Variants in SNX13 observed in about 807,000 individuals in gnomAD.
SNX13 encodes the protein sorting nexin-13.
In SNX13, 45 loss-of-function variants were observed where a neutral mutation model predicts 133.6. The ratio of observed to expected loss-of-function variants is 0.34; its 90% CI spans 0.27 to 0.43. The LOEUF is 0.43. SNX13 is among the 20% of genes least tolerant of loss of function. SNX13 has a pLI of 1.00. For synonymous variants in SNX13, 414 were observed against 373.9 expected (o/e 1.11, Z -1.24); for missense variants, 1,032 against 1,145.1 (o/e 0.90, Z 1.43).
At chr7:17,931,396 T>C (rs528306429) in intron 1 of SNX13, among the ~76,000 whole-genome samples, 1 of 152,346 alleles carries the variant, frequency 6.6e-6, no homozygotes, top group South Asian at 2.1e-4. Flanking sequence ...AAATTTTATT[T>C]CACATTTAAC....
chr7:17,863,935 G>C (rs1362557896), intron 9 of SNX13, among the ~76,000 whole-genome samples: 1 of 152,156 alleles, frequency 6.6e-6, no homozygotes, highest in Admixed American at 6.5e-5. Context: ...GTGTATTTAG[G>C]AGTCTCCAAG....
intron 9 of SNX13, among the ~76,000 whole-genome samples, chr7:17,859,481 A>G (rs1003718426): frequency 1.3e-5 from 2 of 152,190 alleles, no homozygotes; most frequent in Admixed American, 1.3e-4. Context: ...AGGCAAAATT[A>G]TAATACAACT....
intron 1 of SNX13, among the ~76,000 whole-genome samples, chr7:17,936,530 GATA>G (rs1802048019): frequency 6.6e-6 from 1 of 152,184 alleles, no homozygotes; most frequent in Admixed American, 6.5e-5. Flanking sequence ...ACAACACGTT[GATA>G]ACTGGTTTCC....
At chr7:17,823,710 C>T (rs918079680) in intron 17 of SNX13, among the ~76,000 whole-genome samples, 1 of 152,138 alleles carries the variant, frequency 6.6e-6, no homozygotes, top group Non-Finnish European at 1.5e-5. Context: ...GCAAATTAAA[C>T]AGCACAACAC....
At chr7:17,797,047 A>T in intron 24 of SNX13, 108 bp from the exon 25 acceptor site, 1 of 853,274 alleles carries the variant, frequency 1.2e-6, no homozygotes, top group Non-Finnish European at 1.8e-6. Flanking sequence ...GAACAGAAAG[A>T]AAAGTTTCTG....
rs1233066444 is a variant in SNX13, at chr7:17,875,506, A to G, written c.638T>C (p.Val213Ala). The change falls in exon 7 of 26, where the codon GTG becomes GCG. Residue 213 changes from valine to alanine, a missense_variant. Val to Ala is a moderately conservative substitution (Grantham distance 64). Transcript: ENST00000428135. Reference protein sequence around the residue: ...EMEKEVCRDLVCTSPKDEEGF... With the variant: ...EMEKEVCRDLACTSPKDEEGF... ...TTCTTCATCTTTGGGGGAAGTGCAC[A>G]CTAGATCACGGCAAACCTCCTTCTC... 1.9e-6 allele frequency: 3 copies of G among 1,610,272 alleles called. No individual in the cohort carries two copies. In the Admixed American group the frequency reaches 5.0e-5, roughly 27 times the overall value.
chr7:17,801,769 C>A (rs1380380399), intron 21 of SNX13, 110 bp from the exon 22 acceptor site: 3 of 753,028 alleles, frequency 4.0e-6, no homozygotes, highest in Non-Finnish European at 6.3e-6. Context: ...ACTTTTGGTA[C>A]AATATATAAG....
In SNX13 at chr7:17,799,564, A is replaced by G. The variant is rs541179767; in HGVS notation, c.2299-410T>C. Among the ~76,000 whole-genome samples, 3 of 151,908 alleles carry G rather than the reference A, an allele frequency of 2.0e-5. No individual in the cohort carries two copies. In the South Asian group the frequency reaches 6.2e-4, roughly 31 times the overall value. On this transcript the variant is annotated intron_variant, in intron 22 of 25. Transcript: ENST00000428135. ...TCAACATCTCCATATATTTAATAGA[A>G]CAAAACATGAATGATACAGAATAAT...
At chr7:17,804,472 A>C (rs1485693566) in intron 20 of SNX13, among the ~76,000 whole-genome samples, 2 of 152,134 alleles carry the variant, frequency 1.3e-5, no homozygotes, top group Non-Finnish European at 2.9e-5. Context: ...TGCAAATCAG[A>C]CATGTAAATC....
In SNX13 at chr7:17,844,726, T is replaced by A. The variant is rs184059518; in HGVS notation, c.1165+869A>T. On this transcript the variant is annotated intron_variant, in intron 12 of 25. Transcript: ENST00000428135. ...ACTAAGGTGGCATTTATTCCTGGAA[T>A]CCAAAGATGGTTGAACATACAAAAA... Among the ~76,000 whole-genome samples, 5 of 149,032 alleles carry A rather than the reference T, an allele frequency of 3.4e-5. No homozygotes were observed. The East Asian group carries it at 8.0e-4, about 24-fold the overall frequency.
In SNX13 at chr7:17,912,844, C is replaced by T. The variant is rs371546996; in HGVS notation, c.13-15398G>A. On this transcript the variant is annotated intron_variant, in intron 1 of 25. Transcript: ENST00000428135. ...CTTGCCCTGGAGTGGGGAAAGGACC[C>T]TCACAGTCAGAATTGAGTGGCGAGT... Among the ~76,000 whole-genome samples the T allele has an allele frequency of 4.6e-5, 7 of 152,154 alleles. No homozygotes were observed. The East Asian group carries it at 7.7e-4, about 17-fold the overall frequency.
At chr7:17,886,485 T>C (rs1391427975) in intron 5 of SNX13, among the ~76,000 whole-genome samples, 1 of 152,018 alleles carries the variant, frequency 6.6e-6, no homozygotes, top group Admixed American at 6.6e-5. Context: ...GAAGAATTGC[T>C]TGAACCTGGG....
chr7:17,808,694 G>A (rs1785616278), intron 20 of SNX13, among the ~76,000 whole-genome samples: 1 of 152,118 alleles, frequency 6.6e-6, no homozygotes, highest in Admixed American at 6.5e-5. Context: ...AATGTTAAGG[G>A]CAGCCAGAGA....
At chr7:17,849,189 C>T (rs919197032) in intron 11 of SNX13, among the ~76,000 whole-genome samples, 4 of 152,194 alleles carry the variant, frequency 2.6e-5, no homozygotes, top group African/African-American at 7.2e-5. Context: ...ATTCTCTTTT[C>T]TAAACTTCCT....
intron 1 of SNX13, among the ~76,000 whole-genome samples, chr7:17,927,423 T>G (rs141121713): frequency 7.2e-5 from 11 of 151,970 alleles, no homozygotes; most frequent in African/African-American, 2.4e-4. Context: ...TTTAATTTTT[T>G]GCAGAGACAA....
At chr7:17,918,369 G>T (rs914160501) in intron 1 of SNX13, among the ~76,000 whole-genome samples, 1 of 151,454 alleles carries the variant, frequency 6.6e-6, no homozygotes, top group African/African-American at 2.4e-5. Flanking sequence ...GAAAACATTC[G>T]CAAACTATAA....
intron 1 of SNX13, among the ~76,000 whole-genome samples, chr7:17,924,755 T>C (rs528285780): frequency 6.6e-6 from 1 of 152,178 alleles, no homozygotes; most frequent in Non-Finnish European, 1.5e-5. Flanking sequence ...AAGCAAAATG[T>C]AGTATATCCA....
At chr7:17,813,893 C>T (rs1786346876) in intron 20 of SNX13, among the ~76,000 whole-genome samples, 1 of 151,990 alleles carries the variant, frequency 6.6e-6, no homozygotes, top group Non-Finnish European at 1.5e-5. Flanking sequence ...GCCCAAACTT[C>T]CTATAATTGT....
At chr7:17,924,776 T>C (rs1800547926) in intron 1 of SNX13, among the ~76,000 whole-genome samples, 1 of 152,222 alleles carries the variant, frequency 6.6e-6, no homozygotes, top group African/African-American at 2.4e-5. Flanking sequence ...TACAATGGAA[T>C]GTTACTTGGC....
Sources: allele counts gnomAD v4.1 joint callset (sites outside exome capture counted in the v4.1 genomes callset), GRCh38; gene constraint gnomAD v4.1.1; transcripts MANE v1.5; gene names NCBI Gene and HGNC (gene_info 2026-07-23, HGNC 2026-07-21).